Variants in ZNF804B observed in about 807,000 individuals in gnomAD.
ZNF804B encodes the protein zinc finger protein 804B.
ZNF804B carries 80 observed loss-of-function variants against 101.4 expected under a neutral mutation model. The observed-to-expected ratio is 0.79, with a 90% CI of 0.66 to 0.95. The LOEUF is 0.95. ZNF804B is among the 40% of genes least tolerant of loss of function. The pLI, the probability that ZNF804B is intolerant of heterozygous loss-of-function variation, is 0.00. For missense variants in ZNF804B, 1,673 were observed against 1,561.9 expected, an observed-to-expected ratio of 1.07 and a Z score of -1.20; for synonymous variants, 622 against 558.8, an observed-to-expected ratio of 1.11 and a Z score of -1.59.
intron 1 of ZNF804B, among the ~76,000 whole-genome samples, chr7:89,015,416 A>T (rs561778965): frequency 6.6e-6 from 1 of 151,742 alleles, no homozygotes; most frequent in African/African-American, 2.4e-5. Context: ...TACATGTGCT[A>T]TGCTGGTGTG....
intron 2 of ZNF804B, among the ~76,000 whole-genome samples, chr7:89,253,659 T>G (rs1231654272): frequency 6.6e-6 from 1 of 151,932 alleles, no homozygotes; most frequent in Non-Finnish European, 1.5e-5. Flanking sequence ...ATTCTAATAT[T>G]ACACAAAATT....
At chr7:89,162,813 C>A (rs1661094442) in intron 1 of ZNF804B, among the ~76,000 whole-genome samples, 1 of 99,298 alleles carries the variant, frequency 1.0e-5, no homozygotes, top group Non-Finnish European at 2.0e-5. Context: ...CCTCCCCCCA[C>A]CCCACAACAG....
intron 1 of ZNF804B, among the ~76,000 whole-genome samples, chr7:89,071,408 A>G (rs893277035): frequency 6.6e-6 from 1 of 152,166 alleles, no homozygotes; most frequent in Non-Finnish European, 1.5e-5. Flanking sequence ...AGAAGTATAG[A>G]AAGTGTGTTT....
intron 1 of ZNF804B, among the ~76,000 whole-genome samples, chr7:89,042,603 G>A (rs1009722431): frequency 2.6e-5 from 4 of 151,912 alleles, no homozygotes; most frequent in African/African-American, 7.3e-5. Flanking sequence ...ATAGATCTTA[G>A]GGTAAAAAGC....
chr7:89,099,104 A>T (rs973220634), intron 1 of ZNF804B, among the ~76,000 whole-genome samples: 7 of 149,938 alleles, frequency 4.7e-5, no homozygotes, highest in African/African-American at 1.7e-4. Context: ...ACACACACAC[A>T]TACACACACA....
At chr7:89,234,861 A>T (rs1335155454) in intron 2 of ZNF804B, among the ~76,000 whole-genome samples, 1 of 152,054 alleles carries the variant, frequency 6.6e-6, no homozygotes, top group Non-Finnish European at 1.5e-5. Context: ...TCAGACTAGG[A>T]CTGATCCATG....
intron 1 of ZNF804B, among the ~76,000 whole-genome samples, chr7:89,071,525 G>A (rs1789538991): frequency 6.6e-6 from 1 of 152,030 alleles, no homozygotes; most frequent in African/African-American, 2.4e-5. Flanking sequence ...TATGATATCA[G>A]GAAGCAGTAG....
intron 1 of ZNF804B, among the ~76,000 whole-genome samples, chr7:89,021,071 G>A (rs375620609): frequency 7.2e-5 from 11 of 152,066 alleles, no homozygotes; most frequent in African/African-American, 2.2e-4. Flanking sequence ...TATACATGTG[G>A]TAGAATAGTC....
Position 88,927,059 on chromosome 7 carries a change from G to A in ZNF804B, c.108+166975G>A, listed in dbSNP as rs541106550. 3.3e-5 allele frequency among the ~76,000 whole-genome samples: 5 copies of A among 152,168 alleles called. No homozygotes were observed. The South Asian group carries it at 1.0e-3, about 32-fold the overall frequency. Reference sequence around the variant, plus strand: ...TTAGTGAAAAGAAGTGCCCTTCATGGTGTTGTTGGAAATGTTCCTGTATTC... The same window carrying A: ...TTAGTGAAAAGAAGTGCCCTTCATGATGTTGTTGGAAATGTTCCTGTATTC... On this transcript the variant is annotated intron_variant, in intron 1 of 3. Transcript: ENST00000333190.
chr7:89,281,372 G>A (rs551954370), intron 2 of ZNF804B, among the ~76,000 whole-genome samples: 2 of 152,178 alleles, frequency 1.3e-5, no homozygotes, highest in South Asian at 4.2e-4. Flanking sequence ...AACATTTAAA[G>A]GTTACTAACT....
intron 1 of ZNF804B, among the ~76,000 whole-genome samples, chr7:89,169,024 G>C (rs952450149): frequency 4.6e-5 from 7 of 152,138 alleles, no homozygotes; most frequent in African/African-American, 1.2e-4. Flanking sequence ...TCAAAGAAGA[G>C]AACCGTGGAA....
At position 88,961,748 on chromosome 7, in the gene ZNF804B, C is replaced by T. The variant is rs1584040846; in HGVS notation, c.108+201664C>T. Among the ~76,000 whole-genome samples the T allele has an allele frequency of 1.3e-5, 2 of 151,146 alleles. 1 individual carries two copies. The highest frequency in any genetic ancestry group is 3.9e-4 in the East Asian group (2 of 5,096). ...CCTGGCATGACACAAACTATATCACCAAAAGCAAAAAGTAAAGAAAAATGA... is the reference window on the plus strand; with the variant it reads ...CCTGGCATGACACAAACTATATCACTAAAAGCAAAAAGTAAAGAAAAATGA... On this transcript the variant is annotated intron_variant, in intron 1 of 3. Coordinates refer to ENST00000333190, the MANE Select transcript of ZNF804B (RefSeq NM_181646.5).
At chr7:89,265,700 A>G (rs1387683912) in intron 2 of ZNF804B, among the ~76,000 whole-genome samples, 2 of 152,258 alleles carry the variant, frequency 1.3e-5, no homozygotes, top group African/African-American at 4.8e-5. Context: ...ATTATTCAAA[A>G]AAATAGAAAC....
chr7:89,203,168 T>C (rs1788670627), intron 1 of ZNF804B, among the ~76,000 whole-genome samples: 2 of 152,138 alleles, frequency 1.3e-5, no homozygotes, highest in African/African-American at 4.8e-5. Context: ...TGGACAAATG[T>C]AGGCTGTTTG....
At chr7:88,969,077 A>G (rs1793496520) in intron 1 of ZNF804B, among the ~76,000 whole-genome samples, 1 of 151,584 alleles carries the variant, frequency 6.6e-6, no homozygotes, top group Non-Finnish European at 1.5e-5. Context: ...CAGGTTAGAA[A>G]GTGTCTATCT....
rs368994275 is a variant in ZNF804B at position 88,794,642 on chromosome 7, C to A, written c.108+34558C>A. The A allele has an allele frequency of 1.9e-6, 3 of 1,613,542 alleles. No homozygotes were observed. In the African/African-American group the frequency reaches 4.0e-5, roughly 22 times the overall value. Reference sequence around the variant, plus strand: ...TTGTAGAGAGTGTCGCTGGAGGACTCGAGGATATGCAGAATGGAAGTGGGA... The same window carrying A: ...TTGTAGAGAGTGTCGCTGGAGGACTAGAGGATATGCAGAATGGAAGTGGGA... On this transcript the variant is annotated intron_variant, in intron 1 of 3. Coordinates refer to ENST00000333190, the MANE Select transcript of ZNF804B (RefSeq NM_181646.5).
At chr7:89,192,399 A>G (rs1459537473) in intron 1 of ZNF804B, among the ~76,000 whole-genome samples, 3 of 152,076 alleles carry the variant, frequency 2.0e-5, no homozygotes, top group African/African-American at 4.8e-5. Context: ...TGTCCATACA[A>G]TAGAATGCCA....
intron 1 of ZNF804B, among the ~76,000 whole-genome samples, chr7:89,027,630 T>C (rs1025347258): frequency 3.3e-5 from 5 of 152,184 alleles, no homozygotes; most frequent in African/African-American, 1.2e-4. Flanking sequence ...TCTCTCATTA[T>C]GTATAGGAAG....
chr7:88,856,119 T>C (rs1286544595), intron 1 of ZNF804B, among the ~76,000 whole-genome samples: 1 of 152,186 alleles, frequency 6.6e-6, no homozygotes, highest in African/African-American at 2.4e-5. Context: ...AACTTTAAAG[T>C]AGTTTTTTCC....
Sources: gnomAD v4.1 joint callset for allele counts (sites outside exome capture counted in the v4.1 genomes callset) on GRCh38, gnomAD v4.1.1 for gene constraint, MANE v1.5 for transcripts, NCBI Gene and HGNC (gene_info 2026-07-23, HGNC 2026-07-21) for gene names.